Variants in SLC25A21 observed in about 807,000 individuals in gnomAD.
The protein encoded by SLC25A21 is mitochondrial 2-oxodicarboxylate carrier.
A neutral mutation model predicts 43.8 loss-of-function variants in SLC25A21; 47 were observed. That is an observed-to-expected ratio of 1.07 (90% confidence interval 0.85 to 1.37). The LOEUF (loss-of-function observed/expected upper bound fraction) is 1.37, where lower values mean the gene tolerates loss of function less well. Among genes scored for constraint, SLC25A21 ranks in the 40% most tolerant of loss-of-function variants. The probability of loss-of-function intolerance (pLI) is 0.00; values close to 1 mark genes in which losing one functional copy is unlikely to be tolerated. For synonymous variants in SLC25A21, 131 were observed against 121.3 expected (o/e 1.08, Z -0.52); for missense variants, 352 against 350.2 (o/e 1.00, Z -0.04).
chr14:37,139,810 A>C (rs1963541202), intron 1 of SLC25A21, among the ~76,000 whole-genome samples: 1 of 152,210 alleles, frequency 6.6e-6, no homozygotes, highest in Non-Finnish European at 1.5e-5. Context: ...TAAACTCTAC[A>C]CCTGACTTGT....
At chr14:36,770,132 A>G (rs761958194) in intron 3 of SLC25A21, among the ~76,000 whole-genome samples, 4 of 152,322 alleles carry the variant, frequency 2.6e-5, no homozygotes, top group East Asian at 1.9e-4. Flanking sequence ...GTGTCCATCA[A>G]TGGTGGACTG....
chr14:36,832,978 G>GA (rs900807392), intron 2 of SLC25A21, among the ~76,000 whole-genome samples: 18 of 151,610 alleles, frequency 1.2e-4, no homozygotes, highest in East Asian at 1.9e-4. Context: ...CTTAAAATTG[G>GA]AAAAAAAACC....
intron 1 of SLC25A21, among the ~76,000 whole-genome samples, chr14:37,161,317 G>A (rs368731797): frequency 2.1e-4 from 32 of 152,110 alleles, no homozygotes; most frequent in Middle Eastern, 3.4e-3. Context: ...TAACAGTTTC[G>A]GCATAAAGGT....
At chr14:36,986,060 C>T (rs1960138625) in intron 1 of SLC25A21, among the ~76,000 whole-genome samples, 1 of 152,082 alleles carries the variant, frequency 6.6e-6, no homozygotes, top group Non-Finnish European at 1.5e-5. Flanking sequence ...GGTCTAGCTC[C>T]TTTTAGTGAA....
intron 1 of SLC25A21, among the ~76,000 whole-genome samples, chr14:36,974,302 T>C (rs925738268): frequency 3.3e-5 from 5 of 152,238 alleles, no homozygotes; most frequent in African/African-American, 9.6e-5. Flanking sequence ...GTTAGAAATA[T>C]GACTCATGCT....
intron 1 of SLC25A21, among the ~76,000 whole-genome samples, chr14:37,153,013 G>C (rs949347281): frequency 1.3e-5 from 2 of 152,194 alleles, no homozygotes; most frequent in African/African-American, 4.8e-5. Flanking sequence ...TCCCTGGTCA[G>C]GACTGGCTAA....
chr14:36,932,819 G>A (rs1892328486), intron 1 of SLC25A21, among the ~76,000 whole-genome samples: 1 of 151,382 alleles, frequency 6.6e-6, no homozygotes, highest in South Asian at 2.1e-4. Flanking sequence ...GTGTGTACTT[G>A]GAACTCACAG....
At chr14:36,958,218 T>A (rs1319791460) in intron 1 of SLC25A21, among the ~76,000 whole-genome samples, 2 of 152,036 alleles carry the variant, frequency 1.3e-5, no homozygotes, top group Non-Finnish European at 2.9e-5. Context: ...TAACTGCCTA[T>A]GAACCAAAGA....
intron 1 of SLC25A21, among the ~76,000 whole-genome samples, chr14:36,990,474 A>G (rs78128249): frequency 1.7e-3 from 253 of 152,364 alleles, no homozygotes; most frequent in African/African-American, 5.8e-3. Flanking sequence ...GAGAAAAAAA[A>G]GAAATAATTC....
chr14:36,680,153 A>G lies in SLC25A21; in HGVS notation c.*505T>C, dbSNP rs1430440543. The G allele has an allele frequency of 9.2e-5, 78 of 852,254 alleles. No individual in the cohort carries two copies. The highest frequency in any genetic ancestry group is 1.0e-4 in the Non-Finnish European group (74 of 709,448). The allele number at this position is 852,254 out of a possible 1,614,324, so 52.8% of individuals were successfully genotyped here. ...AAAGGTCATTTTAGTGCACTTTAAA[A>G]AATTTTTCTTGTGCTCTTTAAATAT... On this transcript the variant is annotated 3_prime_UTR_variant, in exon 10 of 10. Transcript: ENST00000331299.
intron 3 of SLC25A21, among the ~76,000 whole-genome samples, chr14:36,782,705 A>G (rs1836202812): frequency 1.3e-5 from 2 of 151,862 alleles, no homozygotes. Flanking sequence ...CGCAAGAACA[A>G]AAAACCAAAC....
At chr14:36,801,286 G>A (rs751246355) in intron 3 of SLC25A21, among the ~76,000 whole-genome samples, 7 of 152,134 alleles carry the variant, frequency 4.6e-5, no homozygotes, top group Non-Finnish European at 8.8e-5. Context: ...TCAAGAGTTG[G>A]CAAATGCCTC....
chr14:36,819,829 A>T (rs1010227064), intron 2 of SLC25A21, among the ~76,000 whole-genome samples: 1 of 152,152 alleles, frequency 6.6e-6, no homozygotes, highest in Admixed American at 6.6e-5. Flanking sequence ...TTTGGCCATT[A>T]CTTTTAATGG....
chr14:36,859,661 C>G (rs1890009262), intron 2 of SLC25A21, among the ~76,000 whole-genome samples: 1 of 152,144 alleles, frequency 6.6e-6, no homozygotes. Context: ...CTGGAAAATT[C>G]ACTGACACAC....
chr14:37,117,466 C>G (rs967632040), intron 1 of SLC25A21, among the ~76,000 whole-genome samples: 2 of 152,266 alleles, frequency 1.3e-5, no homozygotes, highest in African/African-American at 4.8e-5. Context: ...CATTTTAGAG[C>G]TGGCTCTCTT....
intron 3 of SLC25A21, among the ~76,000 whole-genome samples, chr14:36,765,668 G>A (rs141514740): frequency 2.6e-5 from 4 of 152,272 alleles, no homozygotes; most frequent in African/African-American, 9.6e-5. Flanking sequence ...GTACTGTCTT[G>A]GCATTCCTCT....
chr14:36,835,049 C>T (rs1048595399), intron 2 of SLC25A21, among the ~76,000 whole-genome samples: 6 of 152,192 alleles, frequency 3.9e-5, no homozygotes, highest in Non-Finnish European at 8.8e-5. Flanking sequence ...TGGTCTATAA[C>T]ATCTCGATAA....
chr14:36,773,491 A>G (rs999927540), intron 3 of SLC25A21, among the ~76,000 whole-genome samples: 2 of 152,236 alleles, frequency 1.3e-5, no homozygotes, highest in Non-Finnish European at 2.9e-5. Flanking sequence ...CAAAAACAAC[A>G]TGGATCTATT....
intron 3 of SLC25A21, among the ~76,000 whole-genome samples, chr14:36,805,905 G>T (rs1419123681): frequency 6.6e-6 from 1 of 152,062 alleles, no homozygotes; most frequent in Non-Finnish European, 1.5e-5. Context: ...GTAGTGAGAA[G>T]GGGAGAACGG....
Sources: allele counts gnomAD v4.1 joint callset (sites outside exome capture counted in the v4.1 genomes callset), GRCh38; gene constraint gnomAD v4.1.1; transcripts MANE v1.5; gene names NCBI Gene and HGNC (gene_info 2026-07-23, HGNC 2026-07-21).